SEL1L3: variants seen among roughly 807,000 people sequenced by gnomAD.
SEL1L3 encodes protein sel-1 homolog 3.
Under a neutral mutation model 142.8 loss-of-function variants are expected in SEL1L3, and 76 were observed. The ratio of observed to expected loss-of-function variants is 0.53; its 90% CI spans 0.44 to 0.64. The LOEUF (loss-of-function observed/expected upper bound fraction) is 0.64. SEL1L3 is among the 30% of genes least tolerant of loss of function. The pLI is 0.00. For missense variants in SEL1L3, 1,262 were observed against 1,381.7 expected, an observed-to-expected ratio of 0.91 and a Z score of 1.37; for synonymous variants, 504 against 519.6, an observed-to-expected ratio of 0.97 and a Z score of 0.41.
chr4:25,825,343 T>C (rs569467293), intron 6 of SEL1L3, among the ~76,000 whole-genome samples: 60 of 152,350 alleles, frequency 3.9e-4, no homozygotes, highest in African/African-American at 1.4e-3. Context: ...CACTGTTTGA[T>C]GGTCATCAAT....
intron 11 of SEL1L3, among the ~76,000 whole-genome samples, chr4:25,797,277 G>T (rs1169001265): frequency 6.6e-6 from 1 of 152,000 alleles, no homozygotes; most frequent in Non-Finnish European, 1.5e-5. Flanking sequence ...TCTGCCTTCT[G>T]CCAGCACCCC....
In SEL1L3 at chr4:25,847,409, C is replaced by T; in HGVS notation, c.618G>A (p.Gln206=). The T allele has an allele frequency of 6.2e-7, 1 of 1,614,000 alleles. No individual in the cohort carries two copies. ...AAGGGCGTTCAAAAGGCGGGATGGT[C>T]TGCAGGAGGGTATAATTCTTTGCTA... The part of the protein sequence containing the change: ...HAVAKNYTLL[Q]TIPPFERPFK... The change falls in exon 2 of 24, where the codon CAG becomes CAA. Residue 206 remains glutamine (Q), a synonymous_variant. Transcript: ENST00000399878.
chr4:25,823,139 G>A (rs992004425), intron 6 of SEL1L3, among the ~76,000 whole-genome samples: 9 of 152,142 alleles, frequency 5.9e-5, no homozygotes, highest in African/African-American at 1.9e-4. Context: ...AGTGCATGAG[G>A]GTAGGCTTGG....
chr4:25,737,356 A>G, the SEL1L3 span, among the ~76,000 whole-genome samples: 6 of 152,338 alleles, frequency 3.9e-5, no homozygotes, highest in African/African-American at 1.4e-4. Flanking sequence ...TGAAAGTGCT[A>G]GCAAGGTACC....
Position 25,782,288 on chromosome 4 carries a change from A to C in SEL1L3, c.2411T>G (p.Val804Gly), listed in dbSNP as rs764432317. ...GNPDASYNLGVLHLDGIFPGV... is the reference protein window; with the variant it reads ...GNPDASYNLGGLHLDGIFPGV... ...AGGGAAGATGCCATCCAAATGCAGGACTCCAAGATTGTATGACGCATCTGG... is the reference window on the plus strand; with the variant it reads ...AGGGAAGATGCCATCCAAATGCAGGCCTCCAAGATTGTATGACGCATCTGG... The change falls in exon 15 of 24, where the codon GTC (valine) becomes GGC (glycine). Residue 804 changes from valine (V) to glycine (G), a missense_variant. Val to Gly is a moderately radical substitution (Grantham distance 109). Around this residue, in one of 3 missense-constraint regions of SEL1L3, gnomAD observed 435 missense variants for 559.2 expected, o/e 0.78. Transcript: ENST00000399878. The C allele has an allele frequency of 6.6e-5, 107 of 1,613,446 alleles. No individual in the cohort carries two copies. The highest frequency in any genetic ancestry group is 8.7e-5 in the Non-Finnish European group (103 of 1,179,734).
intron 6 of SEL1L3, among the ~76,000 whole-genome samples, chr4:25,829,367 T>G (rs1218006635): frequency 1.3e-5 from 2 of 152,366 alleles, no homozygotes; most frequent in East Asian, 3.9e-4. Flanking sequence ...GTATCATTAG[T>G]ACAAAATGCA....
chr4:25,847,911 C>T, intron 1 of SEL1L3, 47 bp from the exon 2 acceptor site: 1 of 1,159,936 alleles, frequency 8.6e-7, no homozygotes, highest in Non-Finnish European at 1.2e-6. Flanking sequence ...GTTTAAAAAT[C>T]CTCATCATAA....
At chr4:25,721,398 GT>G in the SEL1L3 span, among the ~76,000 whole-genome samples, 3,365 of 151,854 alleles carry the variant, frequency 0.022, 121 homozygotes, top group African/African-American at 0.077. Context: ...GCTCTTTTGC[GT>G]TTGTTTTCAT....
chr4:25,715,124 AC>A, the SEL1L3 span, among the ~76,000 whole-genome samples: 2 of 152,202 alleles, frequency 1.3e-5, no homozygotes, highest in Non-Finnish European at 2.9e-5. Context: ...AGAAAAGTAT[AC>A]ATAAGTGGTC....
intron 5 of SEL1L3, among the ~76,000 whole-genome samples, chr4:25,831,525 T>A (rs542459324): frequency 0.043 from 6,146 of 144,586 alleles, 136 homozygotes; most frequent in Middle Eastern, 0.044. Context: ...TTATTATTAT[T>A]ATTATTATTA....
the SEL1L3 span, among the ~76,000 whole-genome samples, chr4:25,730,532 G>A: frequency 3.3e-5 from 5 of 152,060 alleles, no homozygotes; most frequent in Non-Finnish European, 1.5e-5. Flanking sequence ...TCTGTAAGTA[G>A]ATGTAAGGGT....
intron 15 of SEL1L3, among the ~76,000 whole-genome samples, chr4:25,780,855 T>C (rs1251579975): frequency 6.7e-6 from 1 of 149,494 alleles, no homozygotes; most frequent in African/African-American, 2.4e-5. Context: ...AGATGGAGTC[T>C]TGCTCTGTCG....
chr4:25,862,633 C>A (rs1259972339), intron 1 of SEL1L3, 42 bp downstream of exon 1: 6 of 1,145,528 alleles, frequency 5.2e-6, no homozygotes, highest in South Asian at 7.2e-5. Flanking sequence ...GTCCCCGGGG[C>A]CCCGCGCGGA....
At position 25,778,086 on chromosome 4, in the gene SEL1L3, A is replaced by C. The variant is rs137879850; in HGVS notation, c.2585+990T>G. Among the ~76,000 whole-genome samples, 11 of 152,312 alleles carry C rather than the reference A, an allele frequency of 7.2e-5. No homozygotes were observed. The East Asian group carries it at 2.1e-3, about 29-fold the overall frequency. ...TTGACAACTCCTGTAAAACATTTTCAGATCTGCAAGACCTCAAAAATGTGC... is the reference window on the plus strand; with the variant it reads ...TTGACAACTCCTGTAAAACATTTTCCGATCTGCAAGACCTCAAAAATGTGC... On this transcript the variant is annotated intron_variant, in intron 16 of 23. Coordinates refer to ENST00000399878, the MANE Select transcript of SEL1L3 (RefSeq NM_015187.5).
intron 17 of SEL1L3, among the ~76,000 whole-genome samples, chr4:25,775,996 G>A (rs1577585382): frequency 6.6e-6 from 1 of 152,160 alleles, no homozygotes; most frequent in Non-Finnish European, 1.5e-5. Context: ...ACCAAGAGGG[G>A]CAAGCTTAAA....
chr4:25,791,816 G>C (rs1408947563), intron 11 of SEL1L3, among the ~76,000 whole-genome samples: 1 of 152,052 alleles, frequency 6.6e-6, no homozygotes, highest in Non-Finnish European at 1.5e-5. Context: ...GGGAGGCTGA[G>C]GCACGAGAAT....
chr4:25,814,366 A>G (rs1714230168), intron 9 of SEL1L3, among the ~76,000 whole-genome samples: 1 of 152,214 alleles, frequency 6.6e-6, no homozygotes. Flanking sequence ...GAGTGACTTC[A>G]GAACACACCC....
At chr4:25,815,932 C>G (rs568571247) in intron 9 of SEL1L3, among the ~76,000 whole-genome samples, 1 of 150,768 alleles carries the variant, frequency 6.6e-6, no homozygotes, top group African/African-American at 2.4e-5. Flanking sequence ...CCGTAACACA[C>G]AGGACAGCCC....
At chr4:25,728,732 G>A in the SEL1L3 span, among the ~76,000 whole-genome samples, 1 of 151,984 alleles carries the variant, frequency 6.6e-6, no homozygotes, top group African/African-American at 2.4e-5. Context: ...TTCAAGACCA[G>A]CCTGGGCAAC....
Sources: allele counts gnomAD v4.1 joint callset (sites outside exome capture counted in the v4.1 genomes callset), GRCh38; gene constraint gnomAD v4.1.1; regional missense constraint gnomAD v4.1.1; transcripts MANE v1.5; gene names NCBI Gene and HGNC (gene_info 2026-07-23, HGNC 2026-07-21).